Variants in NKAIN2 observed in about 807,000 individuals in gnomAD.
The protein encoded by NKAIN2 is sodium/potassium-transporting ATPase subunit beta-1-interacting protein 2.
In NKAIN2, 14 loss-of-function variants were observed where a neutral mutation model predicts 32.6. The ratio of observed to expected loss-of-function variants is 0.43; its 90% CI spans 0.28 to 0.67. The LOEUF (loss-of-function observed/expected upper bound fraction) is 0.67. Ranked by LOEUF, NKAIN2 falls within the 30% of genes least tolerant of loss-of-function variation. NKAIN2 has a pLI of 0.17. For synonymous variants in NKAIN2, 80 were observed against 87.2 expected (o/e 0.92, Z 0.46); for missense variants, 198 against 258.3 (o/e 0.77, Z 1.60).
At chr6:124,423,551 G>C (rs191530736) in intron 3 of NKAIN2, among the ~76,000 whole-genome samples, 2 of 152,312 alleles carry the variant, frequency 1.3e-5, no homozygotes, top group Admixed American at 6.5e-5. Context: ...GTTGTGGTCT[G>C]AATGTGGAAC....
intron 4 of NKAIN2, among the ~76,000 whole-genome samples, chr6:124,759,945 A>G (rs1778182007): frequency 6.6e-6 from 1 of 151,958 alleles, no homozygotes; most frequent in Non-Finnish European, 1.5e-5. Context: ...GAGGCACAGG[A>G]ATAAAAGGAG....
At chr6:124,343,851 C>G (rs9388318) in intron 2 of NKAIN2, among the ~76,000 whole-genome samples, 19,682 of 139,194 alleles carry the variant, frequency 0.14, 1,704 homozygotes, top group African/African-American at 0.2. Flanking sequence ...TCCCATTTGT[C>G]AATTTTGGCT....
At chr6:124,724,907 T>A (rs1776197841) in intron 4 of NKAIN2, among the ~76,000 whole-genome samples, 1 of 152,226 alleles carries the variant, frequency 6.6e-6, no homozygotes. Flanking sequence ...TACCCTAAAT[T>A]CTTCTAGTTC....
At chr6:124,291,520 C>G (rs1311592431) in intron 2 of NKAIN2, among the ~76,000 whole-genome samples, 1 of 151,960 alleles carries the variant, frequency 6.6e-6, no homozygotes, top group Non-Finnish European at 1.5e-5. Context: ...GTCCCTTTCT[C>G]TGAAGTTCAC....
intron 3 of NKAIN2, chr6:124,390,792 ACCAGAACTGCAAAT>A (rs1254664977): frequency 6.6e-6 from 1 of 152,148 alleles, no homozygotes; most frequent in Non-Finnish European, 1.5e-5. Flanking sequence ...GGAAGAAAGC[ACCAGAACTGCAAAT>A]CCAGAATTTC....
intron 4 of NKAIN2, among the ~76,000 whole-genome samples, chr6:124,786,559 G>T (rs1171373326): frequency 6.6e-6 from 1 of 152,008 alleles, no homozygotes; most frequent in Non-Finnish European, 1.5e-5. Context: ...ATTTTAATCT[G>T]ATTTAGTTAT....
At chr6:123,885,329 T>C (rs1773662763) in intron 1 of NKAIN2, among the ~76,000 whole-genome samples, 1 of 152,146 alleles carries the variant, frequency 6.6e-6, no homozygotes, top group Admixed American at 6.5e-5. Flanking sequence ...TCCAAGACTT[T>C]GACATCCTAC....
At chr6:124,371,562 C>T (rs551376735) in intron 3 of NKAIN2, among the ~76,000 whole-genome samples, 217 of 151,826 alleles carry the variant, frequency 1.4e-3, no homozygotes, top group African/African-American at 4.5e-3. Context: ...GGCATGGTGA[C>T]GTGTGCCTGT....
At chr6:124,572,683 C>G (rs1263745464) in intron 3 of NKAIN2, among the ~76,000 whole-genome samples, 1 of 151,290 alleles carries the variant, frequency 6.6e-6, no homozygotes, top group Non-Finnish European at 1.5e-5. Context: ...CATAATTTAT[C>G]ATGACTGTAT....
At chr6:124,766,900 T>G (rs1778537342) in intron 4 of NKAIN2, among the ~76,000 whole-genome samples, 1 of 152,086 alleles carries the variant, frequency 6.6e-6, no homozygotes, top group African/African-American at 2.4e-5. Flanking sequence ...TTGTTTTTTG[T>G]TTTTTGTTTT....
At chr6:124,659,685 G>A (rs573444980) in intron 4 of NKAIN2, among the ~76,000 whole-genome samples, 1 of 152,082 alleles carries the variant, frequency 6.6e-6, no homozygotes, top group Non-Finnish European at 1.5e-5. Flanking sequence ...ATCATCATGG[G>A]TTACTGTGCC....
rs541422791 is a variant in NKAIN2 at position 124,318,742 on chromosome 6, G to T, written c.192+35600G>T. Among the ~76,000 whole-genome samples, 23 of 151,290 alleles carry T rather than the reference G, an allele frequency of 1.5e-4. No homozygotes were observed. In the East Asian group the frequency reaches 2.9e-3, roughly 19 times the overall value. Reference sequence around the variant, plus strand: ...TGACAGAATCATAACACTAAGTACAGAAACAAGAGTGCAGCCATTCAGGGG... The same window carrying T: ...TGACAGAATCATAACACTAAGTACATAAACAAGAGTGCAGCCATTCAGGGG... On this transcript the variant is annotated intron_variant, in intron 2 of 6. Transcript: ENST00000368417.
At chr6:124,748,066 A>AT (rs1777525512) in intron 4 of NKAIN2, among the ~76,000 whole-genome samples, 1 of 151,966 alleles carries the variant, frequency 6.6e-6, no homozygotes, top group South Asian at 2.1e-4. Context: ...TGGTTATTAT[A>AT]TTCAACAGTC....
intron 5 of NKAIN2, among the ~76,000 whole-genome samples, chr6:124,806,513 G>A (rs192632523): frequency 4.0e-4 from 61 of 151,992 alleles, no homozygotes; most frequent in East Asian, 5.8e-4. Context: ...AGGCACAACC[G>A]GTACCAGCCA....
chr6:124,391,922 C>A (rs988480129), intron 3 of NKAIN2, among the ~76,000 whole-genome samples: 3 of 152,092 alleles, frequency 2.0e-5, no homozygotes, highest in African/African-American at 7.2e-5. Flanking sequence ...CTCAGCACTT[C>A]TGGTTGTTTG....
At chr6:123,955,381 C>T (rs891881857) in intron 1 of NKAIN2, among the ~76,000 whole-genome samples, 15 of 151,796 alleles carry the variant, frequency 9.9e-5, no homozygotes, top group Admixed American at 3.3e-4. Flanking sequence ...TTACAGCACA[C>T]GGTTAGTATA....
At chr6:124,040,564 T>C (rs1043167280) in intron 1 of NKAIN2, among the ~76,000 whole-genome samples, 8 of 152,030 alleles carry the variant, frequency 5.3e-5, no homozygotes, top group Non-Finnish European at 1.0e-4. Flanking sequence ...CCTGGTTTGT[T>C]ATTATTTATT....
At chr6:124,179,692 GC>G (rs1415071943) in intron 1 of NKAIN2, among the ~76,000 whole-genome samples, 1 of 152,152 alleles carries the variant, frequency 6.6e-6, no homozygotes, top group Non-Finnish European at 1.5e-5. Context: ...TGGATATTGG[GC>G]CTTTTATCCA....
At chr6:124,022,364 T>C (rs1205131186) in intron 1 of NKAIN2, among the ~76,000 whole-genome samples, 2 of 152,188 alleles carry the variant, frequency 1.3e-5, no homozygotes, top group Admixed American at 1.3e-4. Context: ...TACCTGTGCA[T>C]GTGTCTGTAT....
Sources: gnomAD v4.1 joint callset for allele counts (sites outside exome capture counted in the v4.1 genomes callset) on GRCh38, gnomAD v4.1.1 for gene constraint, MANE v1.5 for transcripts, NCBI Gene and HGNC (gene_info 2026-07-23, HGNC 2026-07-21) for gene names.